The following HERC1 variants were observed in gnomAD, a reference collection of about 807,000 sequenced individuals.
HERC1 encodes the protein HECT and RLD domain containing E3 ubiquitin protein ligase family member 1.
HERC1 carries 160 observed loss-of-function variants against 554.3 expected under a neutral mutation model. The ratio of observed to expected loss-of-function variants is 0.29; its 90% CI spans 0.25 to 0.33. HERC1 has a LOEUF of 0.33. Ranked by LOEUF, HERC1 falls within the 10% of genes least tolerant of loss-of-function variation. HERC1 has a pLI of 1.00. For synonymous variants in HERC1, 2,175 were observed against 2,131.7 expected (o/e 1.02, Z -0.56); for missense variants, 4,919 against 5,918.5 (o/e 0.83, Z 5.54).
Position 63,718,394 on chromosome 15 carries a change from T to C in HERC1, c.3978+180A>G. On this transcript the variant is annotated intron_variant, in intron 21 of 77. Transcript: ENST00000443617. The surrounding 1 kb of genome is among the most constrained non-coding windows in gnomAD (Gnocchi z 4.2). The stretch of plus-strand genomic sequence containing the variant: ...TAGAACCAATATCACACTTGGTAAA[T>C]GTGAGGTTAAGTAAATCTCAAATCT... The C allele has an allele frequency of 1.8e-6, 1 of 547,200 alleles. No homozygotes were observed. Among genetic ancestry groups the C allele is most frequent in the Non-Finnish European group, 3.1e-6 (1 of 326,736 alleles). 33.9% of individuals were successfully genotyped at this position (547,200 alleles called of 1,614,324 possible).
intron 59 of HERC1, among the ~76,000 whole-genome samples, chr15:63,641,912 T>C (rs549777453): frequency 6.6e-6 from 1 of 152,298 alleles, no homozygotes; most frequent in African/African-American, 2.4e-5. Context: ...TAATTAACTA[T>C]TTCTTCAGAA....
chr15:63,685,756 AC>A (rs2071724595), intron 34 of HERC1, among the ~76,000 whole-genome samples: 1 of 152,250 alleles, frequency 6.6e-6, no homozygotes, highest in African/African-American at 2.4e-5. Flanking sequence ...AGGAGTTAAC[AC>A]AACAGAGACT....
intron 1 of HERC1, 76 bp downstream of exon 1, chr15:63,833,751 G>GCACACACA (rs1327103352): frequency 4.1e-4 from 30 of 72,328 alleles, no homozygotes; most frequent in East Asian, 8.9e-4. Context: ...ACACGCGCGC[G>GCACACACA]CGCACACACA....
At chr15:63,778,814 T>C (rs2076190389) in intron 1 of HERC1, among the ~76,000 whole-genome samples, 2 of 152,164 alleles carry the variant, frequency 1.3e-5, no homozygotes, top group African/African-American at 2.4e-5. Flanking sequence ...GGAAATTCCC[T>C]GATGACGACA....
intron 1 of HERC1, among the ~76,000 whole-genome samples, chr15:63,828,126 T>C (rs2078005312): frequency 6.6e-6 from 1 of 152,184 alleles, no homozygotes; most frequent in Non-Finnish European, 1.5e-5. Context: ...GTATGTGAAT[T>C]GTATGGCAAT....
chr15:63,647,458 A>G (rs2069416856), intron 55 of HERC1, among the ~76,000 whole-genome samples: 1 of 152,176 alleles, frequency 6.6e-6, no homozygotes, highest in Non-Finnish European at 1.5e-5. Flanking sequence ...TCAATGAACA[A>G]AAACCAGAAC....
chr15:63,758,275 A>G lies in HERC1; in HGVS notation c.1121T>C (p.Val374Ala). ...DAPIVSETCEVYVWGSNSSHQ... is the reference protein window; with the variant it reads ...DAPIVSETCEAYVWGSNSSHQ... ...GCTGCTATTGCTCCCCCAAACATAAACCTCACAGGTTTCGGAGACAATGGG... is the reference window on the plus strand; with the variant it reads ...GCTGCTATTGCTCCCCCAAACATAAGCCTCACAGGTTTCGGAGACAATGGG... The change falls in exon 4 of 78, where the codon GTT (valine) becomes GCT (alanine). Residue 374 changes from valine to alanine, a missense_variant. Coordinates refer to ENST00000443617, the MANE Select transcript of HERC1 (RefSeq NM_003922.4). This position sits in a 1 kb window ranked among gnomAD's most constrained non-coding sequence, Gnocchi z 4.0. The G allele has an allele frequency of 6.2e-7, 1 of 1,613,580 alleles. No homozygotes were observed. The highest frequency in any genetic ancestry group is 2.2e-5 in the East Asian group (1 of 44,868).
In HERC1 at chr15:63,718,785, G is replaced by A; in HGVS notation, c.3855C>T (p.Ser1285=). The A allele has an allele frequency of 6.2e-7, 1 of 1,611,056 alleles. No individual in the cohort carries two copies. The highest frequency in any genetic ancestry group is 8.5e-7 in the Non-Finnish European group (1 of 1,177,954). Residue 1285 remains serine, a splice_region_variant and synonymous_variant, in exon 20 of 78, where the codon AGC becomes AGT. Transcript: ENST00000443617. This position sits in a 1 kb window ranked among gnomAD's most constrained non-coding sequence, Gnocchi z 4.2. ...TNLLSQACGE[S]RYQPGKHLSE... is the part of the protein sequence containing the mutation. ...GAGGATAGTTTTAAGTTACTTGCCG[G>A]CTTTCTCCACATGCTTGACTAAGTA...
At position 63,727,905 on chromosome 15, in the gene HERC1, T is replaced by TA; in HGVS notation, c.3155-68dup. 1 of 1,294,494 alleles carries TA rather than the reference T, an allele frequency of 7.7e-7. No homozygotes were observed. The allele number at this position is 1,294,494 out of a possible 1,614,324, so 80.2% of individuals were successfully genotyped here. A position where few individuals can be genotyped will look rare whatever the true frequency, so the allele number is the denominator to read the frequency against. On this transcript the variant is annotated intron_variant, in intron 16 of 77. Coordinates refer to ENST00000443617, the MANE Select transcript of HERC1 (RefSeq NM_003922.4). This position sits in a 1 kb window ranked among gnomAD's most constrained non-coding sequence, Gnocchi z 4.3. ...ATGAACTTTAAAAAAAGGAACCTAA[T>TA]AAATATTATTTTAGCTTGGAACTAG... is the stretch of plus-strand genomic sequence containing the variant.
At chr15:63,746,811 C>A in intron 12 of HERC1, 107 bp downstream of exon 12, 2 of 986,074 alleles carry the variant, frequency 2.0e-6, no homozygotes, top group East Asian at 2.7e-5. Context: ...GTAAGGGAAA[C>A]AACATCCAAT....
chr15:63,624,919 T>G (rs1344027219), intron 71 of HERC1, among the ~76,000 whole-genome samples: 1 of 152,198 alleles, frequency 6.6e-6, no homozygotes, highest in East Asian at 1.9e-4. Flanking sequence ...CCATTAATAA[T>G]TTCATCTATT....
chr15:63,673,879 T>C (rs750249474), intron 38 of HERC1, among the ~76,000 whole-genome samples: 44 of 152,098 alleles, frequency 2.9e-4, no homozygotes, highest in Non-Finnish European at 5.4e-4. Flanking sequence ...CACACGCCAT[T>C]ATGCCCGGTT....
chr15:63,631,884 T>C (rs1215351267), intron 68 of HERC1, among the ~76,000 whole-genome samples: 1 of 152,176 alleles, frequency 6.6e-6, no homozygotes, highest in Non-Finnish European at 1.5e-5. Flanking sequence ...TTACATCACA[T>C]GCCCCAGAGC....
chr15:63,717,994 G>A (rs771567466), intron 21 of HERC1, among the ~76,000 whole-genome samples: 5 of 151,622 alleles, frequency 3.3e-5, no homozygotes, highest in East Asian at 3.9e-4. Context: ...TTACCCTTTC[G>A]TCCTAGTTGT....
intron 34 of HERC1, among the ~76,000 whole-genome samples, chr15:63,683,063 C>G (rs62014185): frequency 0.17 from 24,724 of 146,234 alleles, 2,269 homozygotes; most frequent in Middle Eastern, 0.23. Flanking sequence ...TTGAAACTGG[C>G]AGGTGGAGGT....
In HERC1 at chr15:63,612,478, G is replaced by C; in HGVS notation, c.14173C>G (p.Gln4725Glu). Residue 4725 changes from glutamine to glutamate, a missense_variant, in exon 77 of 78, where the codon CAG (glutamine) becomes GAG (glutamate). By Grantham distance (29) the Gln-to-Glu change is conservative. Around this residue, in one of 11 missense-constraint regions of HERC1, gnomAD observed 284 missense variants for 294.1 expected, o/e 0.97. Transcript: ENST00000443617. The surrounding 1 kb of genome is among the most constrained non-coding windows in gnomAD (Gnocchi z 5.0). ...ATCTCGGGCATCCCACACACCATCT[G>C]CTCCAGTTGTTTTGCTGTGAGGAGG... is the stretch of plus-strand genomic sequence containing the variant. ...LSLLTAKQLEQMVCGMPEISV... is the reference protein window; with the variant it reads ...LSLLTAKQLEEMVCGMPEISV... The C allele has an allele frequency of 6.2e-7, 1 of 1,613,972 alleles. No individual in the cohort carries two copies. Among genetic ancestry groups the C allele is most frequent in the East Asian group, 2.2e-5 (1 of 44,886 alleles).
chr15:63,729,151 C>A, intron 16 of HERC1, 85 bp downstream of exon 16: 1 of 1,218,648 alleles, frequency 8.2e-7, no homozygotes, highest in South Asian at 1.6e-5. Context: ...ATTCCAGAGG[C>A]TTCTGGCTCT....
At chr15:63,820,551 C>CA (rs1186962268) in intron 1 of HERC1, among the ~76,000 whole-genome samples, 1 of 152,118 alleles carries the variant, frequency 6.6e-6, no homozygotes, top group Non-Finnish European at 1.5e-5. Flanking sequence ...TGGCCATCAC[C>CA]AAAGAGTTTT....
chr15:63,620,074 T>A (rs1033291816), intron 74 of HERC1, among the ~76,000 whole-genome samples: 7 of 151,986 alleles, frequency 4.6e-5, no homozygotes, highest in Non-Finnish European at 7.4e-5. Flanking sequence ...TAGTTCTTTT[T>A]ATTGTGATGT....
Sources: allele counts gnomAD v4.1 joint callset (sites outside exome capture counted in the v4.1 genomes callset), GRCh38; gene constraint gnomAD v4.1.1; regional missense constraint gnomAD v4.1.1; non-coding constraint Gnocchi (gnomAD v3.1); transcripts MANE v1.5; gene names NCBI Gene and HGNC (gene_info 2026-07-23, HGNC 2026-07-21).